IP6K3: variants seen among roughly 807,000 people sequenced by gnomAD.
IP6K3 encodes the protein ATP:1D-myo-inositol-hexakisphosphate phosphotransferase.
IP6K3 carries 20 observed loss-of-function variants against 28.8 expected under a neutral mutation model. The ratio of observed to expected loss-of-function variants is 0.70; its 90% confidence interval spans 0.49 to 1.01. The LOEUF is 1.01. Ranked by LOEUF, IP6K3 falls within the 50% of genes least tolerant of loss-of-function variation. The pLI, the probability that IP6K3 is intolerant of heterozygous loss-of-function variation, is 0.00. For missense variants in IP6K3, 480 were observed against 537.1 expected (o/e 0.89, Z 1.05); for synonymous variants, 213 against 221.3 (o/e 0.96, Z 0.33).
intron 1 of IP6K3, among the ~76,000 whole-genome samples, chr6:33,738,520 A>C (rs1766608478): frequency 6.7e-6 from 1 of 148,830 alleles, no homozygotes; most frequent in Non-Finnish European, 1.5e-5. Context: ...CTTTGTATAG[A>C]GTAACCTATT....
At chr6:33,729,950 G>A (rs942693941) in intron 2 of IP6K3, among the ~76,000 whole-genome samples, 2 of 152,146 alleles carry the variant, frequency 1.3e-5, no homozygotes, top group Non-Finnish European at 2.9e-5. Context: ...CTGACCTTGT[G>A]ATCCACCCAC....
chr6:33,741,890 G>A (rs1268420609), intron 1 of IP6K3, among the ~76,000 whole-genome samples: 2 of 151,880 alleles, frequency 1.3e-5, no homozygotes, highest in Non-Finnish European at 2.9e-5. Context: ...GGCGGAGGTT[G>A]CGGTGAGCCA....
At position 33,722,580 on chromosome 6, in the gene IP6K3, C is replaced by T. The variant is rs1765940321; in HGVS notation, c.*140G>A. 3.3e-6 allele frequency: 2 copies of T among 608,668 alleles called. No individual in the cohort carries two copies. The highest frequency in any genetic ancestry group is 5.9e-6 in the Non-Finnish European group (2 of 341,434). The allele number at this position is 608,668 out of a possible 1,614,324, so 37.7% of individuals were successfully genotyped here. A position where few individuals can be genotyped will look rare whatever the true frequency, so the allele number is the denominator to read the frequency against. Reference sequence around the variant, plus strand: ...TTTGTTCAGCAGCTGTTAATATAGTCTGCCATATATAGAGATGGTTTTTGA... The same window carrying T: ...TTTGTTCAGCAGCTGTTAATATAGTTTGCCATATATAGAGATGGTTTTTGA... On this transcript the variant is annotated 3_prime_UTR_variant, in exon 6 of 6. Transcript: ENST00000293756.
At chr6:33,759,717 C>A in the IP6K3 span, among the ~76,000 whole-genome samples, 5 of 151,936 alleles carry the variant, frequency 3.3e-5, no homozygotes, top group Admixed American at 6.6e-5. Flanking sequence ...ACAACAACAA[C>A]AAAAAACTAG....
chr6:33,755,843 A>AT, the IP6K3 span, among the ~76,000 whole-genome samples: 59 of 152,224 alleles, frequency 3.9e-4, no homozygotes, highest in South Asian at 8.3e-4. Context: ...AGACAGCTAA[A>AT]TTTTTTTTAT....
Position 33,735,402 on chromosome 6 carries a change from G to A in IP6K3, c.75C>T (p.Val25=), listed in dbSNP as rs757366064. 5.0e-6 allele frequency: 8 copies of A among 1,607,788 alleles called. No homozygotes were observed. The highest frequency in any genetic ancestry group is 5.9e-6 in the Non-Finnish European group (7 of 1,177,124). ...GVQLEPFLHQ[V]GGHMSVMKYD... ...ACTTCATCACGCTCATGTGCCCCCC[G>A]ACCTGGTGCAGGAAGGGCTCCAGCT... The change falls in exon 2 of 6, where the codon GTC becomes GTT. Residue 25 remains valine, a synonymous_variant. Transcript: ENST00000293756.
Position 33,725,438 on chromosome 6 carries a change from T to C in IP6K3, c.765+3A>G. 1 of 1,607,070 alleles carries C rather than the reference T, an allele frequency of 6.2e-7. No homozygotes were observed. The highest frequency in any genetic ancestry group is 8.5e-7 in the Non-Finnish European group (1 of 1,178,636). Reference sequence around the variant, plus strand: ...CCCCTGTGGTGGGTCCCCTGCGACCTACCTGCATGCCGCAGATGCGCACAC... The same window carrying C: ...CCCCTGTGGTGGGTCCCCTGCGACCCACCTGCATGCCGCAGATGCGCACAC... On this transcript the variant is annotated splice_donor_region_variant and intron_variant, in intron 5 of 5. Transcript: ENST00000293756.
the IP6K3 span, among the ~76,000 whole-genome samples, chr6:33,756,149 C>T: frequency 1.3e-5 from 2 of 152,144 alleles, no homozygotes; most frequent in Non-Finnish European, 2.9e-5. Context: ...CAGGCGTGAG[C>T]CACCATGCCC....
the IP6K3 span, among the ~76,000 whole-genome samples, chr6:33,760,667 A>G: frequency 0.67 from 102,420 of 152,148 alleles, 37,351 homozygotes; most frequent in East Asian, 0.93. Context: ...AGCTGGGACT[A>G]CAGGTGCCCA....
chr6:33,737,400 C>G (rs1310409462), intron 1 of IP6K3, among the ~76,000 whole-genome samples: 1 of 152,210 alleles, frequency 6.6e-6, no homozygotes, highest in Non-Finnish European at 1.5e-5. Flanking sequence ...GTTATTAATA[C>G]TCGCTCCCTC....
rs150212654 is a variant in IP6K3, at chr6:33,735,450, G to A, written c.27C>T (p.Ala9=). 277 of 1,610,902 alleles carry A rather than the reference G, an allele frequency of 1.7e-4. No homozygotes were observed. Among genetic ancestry groups the A allele is most frequent in the Non-Finnish European group, 1.4e-4 (169 of 1,179,670 alleles). ...GCTGCACGCCTGCCCTCATGTCCCC[G>A]GCGTCTGCGCTGTTTTGCACAACCA... MVVQNSAD[A]GDMRAGVQLE... is the part of the protein sequence containing the mutation. The change falls in exon 2 of 6, where the codon GCC becomes GCT. Residue 9 remains alanine, a synonymous_variant. Coordinates refer to ENST00000293756, the MANE Select transcript of IP6K3 (RefSeq NM_054111.5).
upstream of IP6K3, among the ~76,000 whole-genome samples, chr6:33,751,773 C>T (rs879938090): frequency 5.3e-5 from 8 of 152,166 alleles, no homozygotes; most frequent in Admixed American, 5.2e-4. This position sits in a 1 kb window ranked among gnomAD's most constrained non-coding sequence, Gnocchi z 4.3. Flanking sequence ...TTTCCGGCAG[C>T]CCTCGGTCAC....
At chr6:33,723,558 A>G (rs1037532426) in intron 5 of IP6K3, among the ~76,000 whole-genome samples, 2 of 152,202 alleles carry the variant, frequency 1.3e-5, no homozygotes, top group South Asian at 2.1e-4. Flanking sequence ...TAGCAAACCC[A>G]AGCTAGAAAG....
At chr6:33,751,971 C>T in the IP6K3 span, among the ~76,000 whole-genome samples, 1 of 152,192 alleles carries the variant, frequency 6.6e-6, no homozygotes, top group Non-Finnish European at 1.5e-5. This position sits in a 1 kb window ranked among gnomAD's most constrained non-coding sequence, Gnocchi z 4.3. Flanking sequence ...AGCGCTGGGT[C>T]ATTCATCCAC....
intron 1 of IP6K3, among the ~76,000 whole-genome samples, chr6:33,737,883 T>C (rs561494013): frequency 6.6e-6 from 1 of 152,090 alleles, no homozygotes; most frequent in Non-Finnish European, 1.5e-5. Context: ...GGCACAGAGG[T>C]GAGCCCCATC....
rs190833043 is a variant in IP6K3 at position 33,735,580 on chromosome 6, C to G, written c.-104G>C. Reference sequence around the variant, plus strand: ...AGCACACGGGGCTGTCAGCGGTCCTCAACTTTCTCCTTCTTGGCCTTTATT... The same window carrying G: ...AGCACACGGGGCTGTCAGCGGTCCTGAACTTTCTCCTTCTTGGCCTTTATT... On this transcript the variant is annotated 5_prime_UTR_variant, in exon 2 of 6. Coordinates refer to ENST00000293756, the MANE Select transcript of IP6K3 (RefSeq NM_054111.5). 9 of 1,511,680 alleles carry G rather than the reference C, an allele frequency of 6.0e-6. No homozygotes were observed. In the African/African-American group the frequency reaches 9.7e-5, roughly 16 times the overall value. 93.6% of individuals were successfully genotyped at this position (1,511,680 alleles called of 1,614,324 possible).
At chr6:33,734,981 A>G (rs1766462191) in intron 2 of IP6K3, among the ~76,000 whole-genome samples, 1 of 152,232 alleles carries the variant, frequency 6.6e-6, no homozygotes, top group Admixed American at 6.5e-5. Flanking sequence ...GGCACAGACC[A>G]GAATGCCGCC....
intron 3 of IP6K3, 113 bp from the exon 4 acceptor site, chr6:33,727,019 T>C: frequency 5.2e-6 from 6 of 1,145,234 alleles, no homozygotes; most frequent in Non-Finnish European, 7.2e-6. Flanking sequence ...TCCCAGCTGC[T>C]CTCCAGGGCA....
At chr6:33,754,740 GGGAAGACCCA>G in the IP6K3 span, among the ~76,000 whole-genome samples, 1 of 152,348 alleles carries the variant, frequency 6.6e-6, no homozygotes, top group South Asian at 2.1e-4. Context: ...TGAGGGGACT[GGGAAGACCCA>G]GGAGGGCAGG....
Sources: allele counts gnomAD v4.1 joint callset (sites outside exome capture counted in the v4.1 genomes callset), GRCh38; gene constraint gnomAD v4.1.1; non-coding constraint Gnocchi (gnomAD v3.1); transcripts MANE v1.5; gene names NCBI Gene and HGNC (gene_info 2026-07-23, HGNC 2026-07-21).